MLLT10: variants seen among roughly 807,000 people sequenced by gnomAD.
MLLT10 encodes the protein protein AF-10.
In MLLT10, 30 loss-of-function variants were observed where a neutral mutation model predicts 129.1. That is an observed-to-expected ratio of 0.23 (90% CI 0.17 to 0.32). The LOEUF is 0.32. Ranked by LOEUF, MLLT10 falls within the 10% of genes least tolerant of loss-of-function variation. The probability of loss-of-function intolerance (pLI) is 1.00; values close to 1 mark genes in which losing one functional copy is unlikely to be tolerated. For missense variants in MLLT10, 1,119 were observed against 1,268.3 expected, an observed-to-expected ratio of 0.88 and a Z score of 1.79; for synonymous variants, 490 against 446.4, an observed-to-expected ratio of 1.10 and a Z score of -1.23.
At chr10:21,717,588 CTTCCTCTTCT>C (rs2056730856) in intron 14 of MLLT10, among the ~76,000 whole-genome samples, 1 of 117,364 alleles carries the variant, frequency 8.5e-6, no homozygotes, top group African/African-American at 3.3e-5. Context: ...CTTTCTTCCT[CTTCCTCTTCT>C]TTCTTCCTCT....
At chr10:21,586,819 G>A (rs529766956) in intron 4 of MLLT10, among the ~76,000 whole-genome samples, 7 of 152,058 alleles carry the variant, frequency 4.6e-5, no homozygotes, top group African/African-American at 1.4e-4. Flanking sequence ...CTTGGGAGGC[G>A]GAGGTTGCAG....
Position 21,673,346 on chromosome 10 carries a change from A to C in MLLT10, c.1052-4A>C. On this transcript the variant is annotated splice_polypyrimidine_tract_variant and splice_region_variant and intron_variant, in intron 10 of 22. Transcript: ENST00000307729. Reference sequence around the variant, plus strand: ...TTTTTTTTTTTTTTTTTTTTAAACTACAGGCAGTTTTTCAGGAACTCCAGG... The same window carrying C: ...TTTTTTTTTTTTTTTTTTTTAAACTCCAGGCAGTTTTTCAGGAACTCCAGG... The C allele has an allele frequency of 1.0e-6, 1 of 988,974 alleles. No homozygotes were observed. Among genetic ancestry groups the C allele is most frequent in the Non-Finnish European group, 1.2e-6 (1 of 810,364 alleles). 61.3% of individuals were successfully genotyped at this position (988,974 alleles called of 1,614,324 possible).
chr10:21,688,003 G>A (rs1354192295), intron 13 of MLLT10, among the ~76,000 whole-genome samples: 1 of 152,208 alleles, frequency 6.6e-6, no homozygotes, highest in Admixed American at 6.5e-5. Flanking sequence ...AGGCTATTTT[G>A]TTGCTCTTGG....
intron 3 of MLLT10, among the ~76,000 whole-genome samples, chr10:21,540,165 C>T (rs1354304117): frequency 2.0e-5 from 3 of 151,920 alleles, no homozygotes; most frequent in African/African-American, 4.8e-5. Flanking sequence ...CTGAGGTGGG[C>T]GGATCACTTG....
chr10:21,576,580 GTGT>G (rs1475104934), intron 3 of MLLT10, among the ~76,000 whole-genome samples: 3 of 151,126 alleles, frequency 2.0e-5, no homozygotes, highest in Non-Finnish European at 4.4e-5. Flanking sequence ...CACTTAAAGT[GTGT>G]TTCTTACAGA....
In MLLT10 at chr10:21,673,201, A is replaced by G. The variant is rs1589567425; in HGVS notation, c.1052-149A>G. On this transcript the variant is annotated intron_variant, in intron 10 of 22. Coordinates refer to ENST00000307729, the MANE Select transcript of MLLT10 (RefSeq NM_001195626.3). ...GGATAAATTTGACAAGTCTTAATAT[A>G]CGAATGTCCTAAGTGTTGTAGTTAA... 6.5e-6 allele frequency: 3 copies of G among 462,310 alleles called. No individual in the cohort carries two copies. In the South Asian group the frequency reaches 1.8e-4, roughly 28 times the overall value. 28.6% of individuals were successfully genotyped at this position (462,310 alleles called of 1,614,324 possible). A position where few individuals can be genotyped will look rare whatever the true frequency, so the allele number is the denominator to read the frequency against.
rs761501998 is a variant in MLLT10 at position 21,673,464 on chromosome 10, A to C, written c.1166A>C (p.His389Pro). Residue 389 changes from histidine (H) to proline (P), a missense_variant, in exon 11 of 23, where the codon CAC (histidine) becomes CCC (proline). Transcript: ENST00000307729. ...GATCTGCGTAATGACAGTTACTCTCACTCCCAACAGTCATCAGCAACCAAA... is the reference window on the plus strand; with the variant it reads ...GATCTGCGTAATGACAGTTACTCTCCCTCCCAACAGTCATCAGCAACCAAA... ...DSDLRNDSYS[H>P]SQQSSATKDV... 1 of 1,613,132 alleles carries C rather than the reference A, an allele frequency of 6.2e-7. No homozygotes were observed. Among genetic ancestry groups the C allele is most frequent in the South Asian group, 1.1e-5 (1 of 91,030 alleles).
intron 3 of MLLT10, among the ~76,000 whole-genome samples, chr10:21,555,903 G>A (rs940978419): frequency 6.6e-6 from 1 of 151,174 alleles, no homozygotes; most frequent in African/African-American, 2.4e-5. Context: ...CCGACCTCAG[G>A]TGATCCACCT....
At chr10:21,548,164 A>G (rs771882881) in intron 3 of MLLT10, among the ~76,000 whole-genome samples, 45 of 152,196 alleles carry the variant, frequency 3.0e-4, no homozygotes, top group African/African-American at 1.0e-3. Flanking sequence ...TTGATAAACA[A>G]TCTTTTGAGT....
intron 5 of MLLT10, 143 bp from the exon 6 acceptor site, chr10:21,612,200 AATTAG>A (rs2044727638): frequency 1.9e-6 from 1 of 526,708 alleles, no homozygotes; most frequent in Non-Finnish European, 3.4e-6. Flanking sequence ...TGTATGCAAA[AATTAG>A]ATTATTGTCC....
At chr10:21,667,670 A>G (rs1015734546) in intron 9 of MLLT10, among the ~76,000 whole-genome samples, 3 of 152,164 alleles carry the variant, frequency 2.0e-5, no homozygotes, top group South Asian at 4.1e-4. Context: ...CCAGCACATT[A>G]TGTTTTCTAA....
chr10:21,624,994 TTAC>T, intron 8 of MLLT10: 1 of 1,114,446 alleles, frequency 9.0e-7, no homozygotes, highest in Non-Finnish European at 1.3e-6. Flanking sequence ...CCTCTTCCTC[TTAC>T]TGCATAGCCA....
intron 8 of MLLT10, among the ~76,000 whole-genome samples, chr10:21,624,358 A>G (rs770006399): frequency 6.6e-6 from 1 of 152,238 alleles, no homozygotes. Flanking sequence ...TGATAAAAAC[A>G]TAACTCCCAG....
intron 11 of MLLT10, among the ~76,000 whole-genome samples, chr10:21,678,448 G>A (rs2052411562): frequency 1.3e-5 from 2 of 152,062 alleles, no homozygotes; most frequent in African/African-American, 4.8e-5. Context: ...AGTTTATGAT[G>A]AAAAGTATTA....
In MLLT10 at chr10:21,734,051, C is replaced by T. The variant is rs2058154718; in HGVS notation, c.2780C>T (p.Ser927Phe). ...NGVMQTPVTM[S>F]QNPTPLTHTT... ...GTTATGCAGACTCCTGTCACAATGT[C>T]CCAGAACCCTACCCCTCTCACCCAC... Residue 927 changes from serine (S) to phenylalanine (F), a missense_variant, in exon 20 of 23, where the codon TCC (serine) becomes TTC (phenylalanine). Coordinates refer to ENST00000307729, the MANE Select transcript of MLLT10 (RefSeq NM_001195626.3). 3 of 1,614,114 alleles carry T rather than the reference C, an allele frequency of 1.9e-6. No individual in the cohort carries two copies. Among genetic ancestry groups the T allele is most frequent in the Non-Finnish European group, 2.5e-6 (3 of 1,180,008 alleles).
chr10:21,683,183 A>G (rs2052922659), intron 13 of MLLT10, among the ~76,000 whole-genome samples: 1 of 151,986 alleles, frequency 6.6e-6, no homozygotes, highest in African/African-American at 2.4e-5. Flanking sequence ...AGGCATAGAC[A>G]CTCTTGTTGC....
intron 9 of MLLT10, chr10:21,669,094 T>A: frequency 7.7e-7 from 1 of 1,294,852 alleles, no homozygotes; most frequent in Non-Finnish European, 1.0e-6. Context: ...AATTGGTTTG[T>A]AAAATGGGAT....
intron 13 of MLLT10, among the ~76,000 whole-genome samples, chr10:21,690,640 AT>A (rs1328661744): frequency 6.6e-6 from 1 of 151,448 alleles, no homozygotes; most frequent in Non-Finnish European, 1.5e-5. Context: ...CTCCTCTTGT[AT>A]TTTTTTGTCC....
At chr10:21,683,994 AT>A (rs562573187) in intron 13 of MLLT10, among the ~76,000 whole-genome samples, 16 of 146,406 alleles carry the variant, frequency 1.1e-4, no homozygotes, top group East Asian at 4.1e-4. Context: ...ATATAATTTT[AT>A]TTTTTTTTCT....
Sources: allele counts gnomAD v4.1 joint callset (sites outside exome capture counted in the v4.1 genomes callset), GRCh38; gene constraint gnomAD v4.1.1; transcripts MANE v1.5; gene names NCBI Gene and HGNC (gene_info 2026-07-23, HGNC 2026-07-21).